The following GFOD1 variants were observed in gnomAD, a reference collection of about 807,000 sequenced individuals.
GFOD1 encodes the protein Gfo/Idh/MocA-like oxidoreductase domain containing 1.
GFOD1 carries 9 observed loss-of-function variants against 25.4 expected under a neutral mutation model. The ratio of observed to expected loss-of-function variants is 0.35; its 90% CI spans 0.21 to 0.62. The LOEUF (loss-of-function observed/expected upper bound fraction) is 0.62. GFOD1 is among the 20% of genes least tolerant of loss of function. The pLI, the probability that GFOD1 is intolerant of heterozygous loss-of-function variation, is 0.72. For synonymous variants in GFOD1, 253 were observed against 245.6 expected (o/e 1.03, Z -0.28); for missense variants, 403 against 556.9 (o/e 0.72, Z 2.78).
intron 1 of GFOD1, among the ~76,000 whole-genome samples, chr6:13,447,956 C>T (rs1055551900): frequency 3.3e-5 from 5 of 151,742 alleles, no homozygotes; most frequent in Non-Finnish European, 5.9e-5. Context: ...TTGGGCATTA[C>T]TGGCCACAGT....
Position 13,361,004 on chromosome 6 carries a change from A to C in GFOD1, c.*3739T>G, listed in dbSNP as rs552745600. 7.9e-6 allele frequency: 3 copies of C among 381,290 alleles called. No homozygotes were observed. The highest frequency in any genetic ancestry group is 1.6e-5 in the Non-Finnish European group (3 of 191,362). 23.6% of individuals were successfully genotyped at this position (381,290 alleles called of 1,614,324 possible). A position where few individuals can be genotyped will look rare whatever the true frequency, so the allele number is the denominator to read the frequency against. ...TGCCTCCATTTTCTCATGTGTATAA[A>C]AGAAATAGCAATACCCAACACTATA... On this transcript the variant is annotated 3_prime_UTR_variant, in exon 2 of 2. Coordinates refer to ENST00000379287, the MANE Select transcript of GFOD1 (RefSeq NM_018988.4).
At chr6:13,484,701 A>G (rs1355815422) in intron 1 of GFOD1, among the ~76,000 whole-genome samples, 2 of 152,204 alleles carry the variant, frequency 1.3e-5, no homozygotes, top group Non-Finnish European at 2.9e-5. Context: ...TTTGTGTCAC[A>G]TCTCTTGAAA....
In GFOD1 at chr6:13,363,555, C is replaced by CTTTTTTTTTTTTTTTTTTTT. The variant is rs72062296; in HGVS notation, c.*1168_*1187dup. On this transcript the variant is annotated 3_prime_UTR_variant, in exon 2 of 2. Coordinates refer to ENST00000379287, the MANE Select transcript of GFOD1 (RefSeq NM_018988.4). ...GCAAATGCTGGAGCTAAGGAAAATC[C>CTTTTTTTTTTTTTTTTTTTT]TTTTTTTTTTTTTTTTTTTTTTTTT... is the stretch of plus-strand genomic sequence containing the variant. 2.5e-5 allele frequency: 2 copies of CTTTTTTTTTTTTTTTTTTTT among 78,940 alleles called. No homozygotes were observed. The highest frequency in any genetic ancestry group is 9.4e-5 in the African/African-American group (2 of 21,176). 4.9% of individuals were successfully genotyped at this position (78,940 alleles called of 1,614,324 possible).
intron 1 of GFOD1, chr6:13,469,501 C>A (rs1014159272): frequency 4.0e-6 from 4 of 993,732 alleles, no homozygotes; most frequent in Non-Finnish European, 4.8e-6. Context: ...AATGATATGG[C>A]CTTTGTTCAT....
chr6:13,419,840 C>T (rs1050236617), intron 1 of GFOD1, among the ~76,000 whole-genome samples: 4 of 152,208 alleles, frequency 2.6e-5, no homozygotes, highest in African/African-American at 9.7e-5. Flanking sequence ...CTTCAAATCT[C>T]TACTTAAACG....
At chr6:13,379,493 G>A (rs575709) in intron 1 of GFOD1, among the ~76,000 whole-genome samples, 66,079 of 151,952 alleles carry the variant, frequency 0.43, 16,967 homozygotes, top group East Asian at 0.67. Flanking sequence ...TGTGATGCCC[G>A]TGATGCAATG....
At position 13,403,023 on chromosome 6, in the gene GFOD1, G is replaced by A. The variant is rs137980517; in HGVS notation, c.254-37361C>T. Among the ~76,000 whole-genome samples, 235 of 151,762 alleles carry A rather than the reference G, an allele frequency of 1.5e-3. 1 individual carries two copies. Among genetic ancestry groups the A allele is most frequent in the African/African-American group, 5.3e-3 (221 of 41,370 alleles). On this transcript the variant is annotated intron_variant, in intron 1 of 1. Coordinates refer to ENST00000379287, the MANE Select transcript of GFOD1 (RefSeq NM_018988.4). ...TGTTCTGAGAAATGCATCATTAGGC[G>A]ATTTTGCTGTGCAAACATTATACAG...
At chr6:13,390,921 C>T (rs1192745768) in intron 1 of GFOD1, among the ~76,000 whole-genome samples, 3 of 152,064 alleles carry the variant, frequency 2.0e-5, no homozygotes, top group Non-Finnish European at 4.4e-5. Context: ...ACAGGAAGTG[C>T]CGAATAAACA....
intron 1 of GFOD1, among the ~76,000 whole-genome samples, chr6:13,411,804 G>T (rs1253365713): frequency 2.0e-5 from 3 of 152,152 alleles, no homozygotes; most frequent in African/African-American, 7.2e-5. Context: ...TCTACAACCC[G>T]CTCATTGACA....
chr6:13,486,301 C>T, intron 1 of GFOD1: 1 of 340,850 alleles, frequency 2.9e-6, no homozygotes, highest in Non-Finnish European at 5.0e-6. Context: ...TGAGGAGTAA[C>T]TTTCCTCTTC....
chr6:13,478,242 C>T lies in GFOD1; in HGVS notation c.253+8396G>A, dbSNP rs541182689. ...GCAACCTCCACCTCCTGGGTTCAAG[C>T]GATTCTCCTGTCTCAGCCTCCCGAG... On this transcript the variant is annotated intron_variant, in intron 1 of 1. Transcript: ENST00000379287. Among the ~76,000 whole-genome samples, 3 of 152,116 alleles carry T rather than the reference C, an allele frequency of 2.0e-5. No individual in the cohort carries two copies. The East Asian group carries it at 5.8e-4, about 29-fold the overall frequency.
At chr6:13,415,491 T>C (rs1050201349) in intron 1 of GFOD1, among the ~76,000 whole-genome samples, 4 of 152,168 alleles carry the variant, frequency 2.6e-5, no homozygotes, top group African/African-American at 9.7e-5. Flanking sequence ...AAGAAGTGGA[T>C]GCTACTGGGC....
At chr6:13,446,778 TG>T (rs1341983288) in intron 1 of GFOD1, among the ~76,000 whole-genome samples, 6 of 152,352 alleles carry the variant, frequency 3.9e-5, no homozygotes, top group African/African-American at 1.4e-4. Flanking sequence ...TCTGTCCTGC[TG>T]ATGGTGGAAA....
intron 1 of GFOD1, among the ~76,000 whole-genome samples, chr6:13,432,355 A>G (rs1270218657): frequency 6.6e-6 from 1 of 151,578 alleles, no homozygotes; most frequent in Admixed American, 6.6e-5. Flanking sequence ...CTGGGACCAC[A>G]GGCATGCACC....
At chr6:13,463,192 C>A (rs756278737) in intron 1 of GFOD1, among the ~76,000 whole-genome samples, 1 of 152,206 alleles carries the variant, frequency 6.6e-6, no homozygotes, top group Non-Finnish European at 1.5e-5. Context: ...TCCAGACCAC[C>A]GGAATGCAGA....
chr6:13,391,511 C>CAAAAAAAAAAA (rs57340590), intron 1 of GFOD1, among the ~76,000 whole-genome samples: 294 of 108,560 alleles, frequency 2.7e-3, no homozygotes, highest in Non-Finnish European at 3.2e-3. Flanking sequence ...AACAAACAAA[C>CAAAAAAAAAAA]AAAAAAAAAA....
intron 1 of GFOD1, among the ~76,000 whole-genome samples, chr6:13,475,161 A>G (rs1445225135): frequency 6.6e-6 from 1 of 151,842 alleles, no homozygotes; most frequent in African/African-American, 2.4e-5. Flanking sequence ...TCAAAGAAAA[A>G]TGTGACTGTC....
intron 1 of GFOD1, among the ~76,000 whole-genome samples, chr6:13,432,844 C>G: frequency 6.6e-6 from 1 of 152,192 alleles, no homozygotes; most frequent in East Asian, 1.9e-4. Flanking sequence ...TACACTGTAA[C>G]TGCATATCCC....
intron 1 of GFOD1, among the ~76,000 whole-genome samples, chr6:13,460,401 G>A (rs1255837147): frequency 1.3e-5 from 2 of 152,208 alleles, no homozygotes; most frequent in African/African-American, 4.8e-5. Flanking sequence ...GCAAAGACAC[G>A]GAATCAACCC....
Sources: gnomAD v4.1 joint callset for allele counts (sites outside exome capture counted in the v4.1 genomes callset) on GRCh38, gnomAD v4.1.1 for gene constraint, MANE v1.5 for transcripts, NCBI Gene and HGNC (gene_info 2026-07-23, HGNC 2026-07-21) for gene names.